XXYLT1: variants seen among roughly 807,000 people sequenced by gnomAD.
XXYLT1 encodes UDP-xylose:alpha-xyloside alpha-1,3-xylosyltransferase.
XXYLT1 carries 20 observed loss-of-function variants against 28.9 expected under a neutral mutation model. That is an observed-to-expected ratio of 0.69 (90% CI 0.49 to 1.00). The LOEUF (loss-of-function observed/expected upper bound fraction) is 1.00. Among genes scored for constraint, XXYLT1 ranks in the 50% least tolerant of loss-of-function variants. XXYLT1 has a pLI of 0.00. For synonymous variants in XXYLT1, 257 were observed against 253.8 expected (o/e 1.01, Z -0.12); for missense variants, 542 against 560.1 (o/e 0.97, Z 0.33).
chr3:195,088,067 C>T (rs1283719704), intron 3 of XXYLT1, among the ~76,000 whole-genome samples: 3 of 152,034 alleles, frequency 2.0e-5, no homozygotes, highest in Non-Finnish European at 2.9e-5. Flanking sequence ...GCCAGCACAG[C>T]GGTCTGAGAT....
Position 195,168,144 on chromosome 3 carries a change from C to T in XXYLT1, c.653-11563G>A, listed in dbSNP as rs59834989. Reference sequence around the variant, plus strand: ...GCTCACCGGCCTGGCTATGGCACTGCGTCCAACCATGGGCAAGCCATCCCC... The same window carrying T: ...GCTCACCGGCCTGGCTATGGCACTGTGTCCAACCATGGGCAAGCCATCCCC... On this transcript the variant is annotated intron_variant, in intron 2 of 3. Transcript: ENST00000310380. The surrounding 1 kb of genome is among the most constrained non-coding windows in gnomAD (Gnocchi z 4.3). Among the ~76,000 whole-genome samples the T allele has an allele frequency of 0.047, 7,190 of 152,274 alleles. 311 individuals carry two copies. Among genetic ancestry groups the T allele is most frequent in the East Asian group, 0.25 (1,292 of 5,166 alleles).
chr3:195,242,743 C>T (rs983700263), intron 1 of XXYLT1, among the ~76,000 whole-genome samples: 9 of 152,252 alleles, frequency 5.9e-5, no homozygotes, highest in African/African-American at 2.2e-4. Flanking sequence ...CCCACCTTAG[C>T]CCTTTTAATA....
chr3:195,211,071 C>A (rs1480130739), intron 2 of XXYLT1, among the ~76,000 whole-genome samples: 1 of 152,124 alleles, frequency 6.6e-6, no homozygotes, highest in African/African-American at 2.4e-5. Context: ...GATTCCACCC[C>A]CAAAGGTTCT....
chr3:195,134,532 G>A (rs1373697203), intron 3 of XXYLT1: 2 of 155,690 alleles, frequency 1.3e-5, no homozygotes, highest in Non-Finnish European at 2.9e-5. Flanking sequence ...AGGAGCACGA[G>A]GCTACCCCTA....
intron 1 of XXYLT1, among the ~76,000 whole-genome samples, chr3:195,251,340 C>T (rs566720791): frequency 6.6e-6 from 1 of 152,334 alleles, no homozygotes; most frequent in East Asian, 1.9e-4. Context: ...GTGTTTCTGA[C>T]AGGGAAGGCG....
intron 2 of XXYLT1, among the ~76,000 whole-genome samples, chr3:195,166,599 G>A (rs1266454082): frequency 1.3e-5 from 2 of 152,146 alleles, no homozygotes; most frequent in African/African-American, 2.4e-5. Flanking sequence ...GTTGTCCCAC[G>A]TGTTCTATCT....
chr3:195,186,982 C>T (rs575209251), intron 2 of XXYLT1, among the ~76,000 whole-genome samples: 3 of 151,560 alleles, frequency 2.0e-5, no homozygotes, highest in Non-Finnish European at 4.4e-5. Context: ...GCAACCTCCA[C>T]CTCCTGGGTT....
At chr3:195,089,428 G>A (rs1006107975) in intron 3 of XXYLT1, among the ~76,000 whole-genome samples, 1 of 152,102 alleles carries the variant, frequency 6.6e-6, no homozygotes, top group African/African-American at 2.4e-5. Flanking sequence ...GCCAAACTAA[G>A]CTTCATAAGT....
Position 195,150,837 on chromosome 3 carries a change from CA to C in XXYLT1, c.785+5611del, listed in dbSNP as rs879686790. On this transcript the variant is annotated intron_variant, in intron 3 of 3. Coordinates refer to ENST00000310380, the MANE Select transcript of XXYLT1 (RefSeq NM_152531.5). This position sits in a 1 kb window ranked among gnomAD's most constrained non-coding sequence, Gnocchi z 4.7. Reference sequence around the variant, plus strand: ...ATACACACACACTCACACATACGCACACTCTCTCACACACTCTCACACACAC... The same window carrying C: ...ATACACACACACTCACACATACGCACCTCTCTCACACACTCTCACACACAC... Among the ~76,000 whole-genome samples, 23,611 of 130,520 alleles carry C rather than the reference CA, an allele frequency of 0.18. 2,182 individuals are homozygous for C. The highest frequency in any genetic ancestry group is 0.49 in the East Asian group (2,010 of 4,084). The allele number at this position is 130,520 out of a possible 152,430, so 85.6% of individuals were successfully genotyped here.
chr3:195,125,299 C>T lies in XXYLT1; in HGVS notation c.785+31150G>A, dbSNP rs567155387. Reference sequence around the variant, plus strand: ...CTTTTGGCCTCTACTCCTCGACCTTCGACCAAACAGTCCTAAAAGTGGGGG... The same window carrying T: ...CTTTTGGCCTCTACTCCTCGACCTTTGACCAAACAGTCCTAAAAGTGGGGG... On this transcript the variant is annotated intron_variant, in intron 3 of 3. Transcript: ENST00000310380. Among the ~76,000 whole-genome samples the T allele has an allele frequency of 9.2e-5, 14 of 152,380 alleles. No individual in the cohort carries two copies. In the South Asian group the frequency reaches 2.1e-3, roughly 23 times the overall value.
intron 1 of XXYLT1, among the ~76,000 whole-genome samples, chr3:195,231,820 A>G (rs1724313640): frequency 6.6e-6 from 1 of 151,418 alleles, no homozygotes; most frequent in Non-Finnish European, 1.5e-5. Flanking sequence ...TTTTTGCATC[A>G]GTGTTCATCA....
intron 1 of XXYLT1, among the ~76,000 whole-genome samples, chr3:195,233,176 A>C (rs949507786): frequency 3.3e-5 from 5 of 152,180 alleles, no homozygotes; most frequent in Admixed American, 3.3e-4. Flanking sequence ...ATCTGATATA[A>C]GTATAGCTAC....
At chr3:195,207,195 A>G (rs1723110944) in intron 2 of XXYLT1, among the ~76,000 whole-genome samples, 2 of 152,164 alleles carry the variant, frequency 1.3e-5, no homozygotes, top group Admixed American at 6.5e-5. Flanking sequence ...TCGGGCCTGC[A>G]GGTCCCATGT....
At chr3:195,169,240 G>A (rs1198117944) in intron 2 of XXYLT1, among the ~76,000 whole-genome samples, 1 of 152,264 alleles carries the variant, frequency 6.6e-6, no homozygotes, top group African/African-American at 2.4e-5. Flanking sequence ...TCTCCCTGAG[G>A]TTCAGGCTCC....
At chr3:195,127,668 T>C (rs150264514) in intron 3 of XXYLT1, among the ~76,000 whole-genome samples, 3 of 152,100 alleles carry the variant, frequency 2.0e-5, no homozygotes, top group African/African-American at 7.2e-5. Flanking sequence ...ACCCAGCTAC[T>C]TGGGAGGCTG....
chr3:195,124,434 A>G lies in XXYLT1; in HGVS notation c.785+32015T>C, dbSNP rs182427153. Among the ~76,000 whole-genome samples, 261 of 152,332 alleles carry G rather than the reference A, an allele frequency of 1.7e-3. No homozygotes were observed. Among genetic ancestry groups the G allele is most frequent in the Non-Finnish European group, 3.2e-3 (219 of 68,030 alleles). Reference sequence around the variant, plus strand: ...GGAAATGGTTTGCGATGGCAGCATGAGAGAGCTCTGGGGCTTTGGGCCTGG... The same window carrying G: ...GGAAATGGTTTGCGATGGCAGCATGGGAGAGCTCTGGGGCTTTGGGCCTGG... On this transcript the variant is annotated intron_variant, in intron 3 of 3. Transcript: ENST00000310380. This position sits in a 1 kb window ranked among gnomAD's most constrained non-coding sequence, Gnocchi z 4.1.
intron 2 of XXYLT1, among the ~76,000 whole-genome samples, chr3:195,221,733 C>T (rs776927634): frequency 8.1e-5 from 12 of 148,300 alleles, no homozygotes; most frequent in Non-Finnish European, 1.6e-4. Context: ...AGCTCCAGTG[C>T]GGCAAAAAAT....
intron 2 of XXYLT1, among the ~76,000 whole-genome samples, chr3:195,172,515 AAC>A (rs1297667023): frequency 1.3e-5 from 2 of 152,208 alleles, no homozygotes; most frequent in Non-Finnish European, 2.9e-5. Flanking sequence ...GTTCATGACT[AAC>A]AACTTTGCAT....
At chr3:195,186,645 C>T (rs1577123000) in intron 2 of XXYLT1, among the ~76,000 whole-genome samples, 1 of 152,080 alleles carries the variant, frequency 6.6e-6, no homozygotes, top group East Asian at 1.9e-4. Context: ...ATCCCCCACT[C>T]GGGCAGCACC....
Sources: gnomAD v4.1 joint callset for allele counts (sites outside exome capture counted in the v4.1 genomes callset) on GRCh38, gnomAD v4.1.1 for gene constraint, Gnocchi (gnomAD v3.1) non-coding constraint, MANE v1.5 for transcripts, NCBI Gene and HGNC (gene_info 2026-07-23, HGNC 2026-07-21) for gene names.